FN3K: variants seen among roughly 807,000 people sequenced by gnomAD.
FN3K encodes the protein fructosamine 3 kinase.
Under a neutral mutation model 24.8 loss-of-function variants are expected in FN3K, and 24 were observed. That is an observed-to-expected ratio of 0.97 (90% CI 0.70 to 1.36). The LOEUF (loss-of-function observed/expected upper bound fraction) is 1.36. Among genes scored for constraint, FN3K ranks in the 40% most tolerant of loss-of-function variants. The probability of loss-of-function intolerance (pLI) is 0.00; values close to 1 mark genes in which losing one functional copy is unlikely to be tolerated. For synonymous variants in FN3K, 192 were observed against 175.2 expected (o/e 1.10, Z -0.76); for missense variants, 449 against 416.7 (o/e 1.08, Z -0.67).
At position 82,750,928 on chromosome 17, in the gene FN3K, C is replaced by CCCCGTT; in HGVS notation, c.*175_*176insCGTTCC. On this transcript the variant is annotated 3_prime_UTR_variant, in exon 6 of 6. Transcript: ENST00000300784. ...CCTGTCCCCGTCCCCCCGTCCCCGT[C>CCCCGTT]CCTCCATCCCTGTCCCCCGTCCCCC... is the stretch of plus-strand genomic sequence containing the variant. 1 of 347,994 alleles carries CCCCGTT rather than the reference C, an allele frequency of 2.9e-6. No individual in the cohort carries two copies. The highest frequency in any genetic ancestry group is 2.3e-5 in the South Asian group (1 of 43,306). The allele number at this position is 347,994 out of a possible 1,614,324, so 21.6% of individuals were successfully genotyped here.
In FN3K at chr17:82,748,985, C is replaced by T. The variant is rs751833198; in HGVS notation, c.591+8C>T. The T allele has an allele frequency of 3.2e-5, 52 of 1,613,996 alleles. No individual in the cohort carries two copies. The South Asian group carries it at 4.2e-4, about 13-fold the overall frequency. ...CTCTGGTCCCGGCTACAGGTGGGCA[C>T]GGCAGTGACTTCTCTGGGAAAGAGC... On this transcript the variant is annotated splice_region_variant and intron_variant, in intron 5 of 5. Transcript: ENST00000300784.
Position 82,750,410 on chromosome 17 carries a change from C to T in FN3K, c.592-7C>T, listed in dbSNP as rs922671388. 40 of 1,613,554 alleles carry T rather than the reference C, an allele frequency of 2.5e-5. No individual in the cohort carries two copies. The East Asian group carries it at 6.0e-4, about 24-fold the overall frequency. Reference sequence around the variant, plus strand: ...GCCAGCGATAACTGCAGCCGTTGCTCTCGTAGGTGAAGATCCCGGATCTGT... The same window carrying T: ...GCCAGCGATAACTGCAGCCGTTGCTTTCGTAGGTGAAGATCCCGGATCTGT... On this transcript the variant is annotated splice_polypyrimidine_tract_variant and splice_region_variant and intron_variant, in intron 5 of 5. Coordinates refer to ENST00000300784, the MANE Select transcript of FN3K (RefSeq NM_022158.4).
At chr17:82,748,763 G>A in intron 4 of FN3K, 92 bp from the exon 5 acceptor site, 2 of 1,587,780 alleles carry the variant, frequency 1.3e-6, no homozygotes, top group African/African-American at 2.7e-5. Flanking sequence ...GGCTTACTAG[G>A]TATCTTTGCT....
chr17:82,750,360 G>C (rs1375375307), intron 5 of FN3K, 57 bp from the exon 6 acceptor site: 29 of 1,465,634 alleles, frequency 2.0e-5, no homozygotes, highest in Non-Finnish European at 2.8e-5. Context: ...CCAAGAACGA[G>C]GTGATGAGAC....
rs560970710 is a variant in FN3K at position 82,740,757 on chromosome 17, C to T, written c.294-6C>T. 3.1e-6 allele frequency: 5 copies of T among 1,605,988 alleles called. No homozygotes were observed. The highest frequency in any genetic ancestry group is 1.1e-5 in the South Asian group (1 of 90,776). On this transcript the variant is annotated splice_region_variant and splice_polypyrimidine_tract_variant and intron_variant, in intron 2 of 5. Coordinates refer to ENST00000300784, the MANE Select transcript of FN3K (RefSeq NM_022158.4). ...TTTTAATTAGCTGCATTTCTTCTTT[C>T]CTCAGTCAAGCATCAAAACTTGGAG...
At chr17:82,738,385 A>G (rs1006564669) in intron 1 of FN3K, 104 bp from the exon 2 acceptor site, 64 of 1,491,428 alleles carry the variant, frequency 4.3e-5, no homozygotes, top group Non-Finnish European at 5.6e-5. Context: ...CTATCAGTGA[A>G]TGAAGGTCCT....
In FN3K at chr17:82,735,781, C is replaced by T. The variant is rs765976577; in HGVS notation, c.141+4C>T. ...CAAAGTCAACCGCAGGACGCAGGTG[C>T]TGGCCCGTGCGCAGGCGGGGGCTCT... On this transcript the variant is annotated splice_donor_region_variant and intron_variant, in intron 1 of 5. Coordinates refer to ENST00000300784, the MANE Select transcript of FN3K (RefSeq NM_022158.4). 4.9e-5 allele frequency: 76 copies of T among 1,557,458 alleles called. No homozygotes were observed. The highest frequency in any genetic ancestry group is 2.9e-4 in the Admixed American group (15 of 51,480).
intron 5 of FN3K, 119 bp from the exon 6 acceptor site, chr17:82,750,298 C>T: frequency 1.1e-6 from 1 of 870,136 alleles, no homozygotes; most frequent in Non-Finnish European, 1.9e-6. Flanking sequence ...GCTTGGCAGG[C>T]AGTGCTGGGG....
chr17:82,735,874 GGGGAGGGGTCAGCTTTGGCCCTT>G lies in FN3K; in HGVS notation c.141+104_141+126del, dbSNP rs1441208127. ...AGGCGCATTTCCTGGGGCTGGGCCT[GGGGAGGGGTCAGCTTTGGCCCTT>G]GGGAGGTGGCACCTGCTGGGTGAGC... On this transcript the variant is annotated intron_variant, in intron 1 of 5. Coordinates refer to ENST00000300784, the MANE Select transcript of FN3K (RefSeq NM_022158.4). The G allele has an allele frequency of 2.7e-5, 40 of 1,486,592 alleles. No individual in the cohort carries two copies. In the Admixed American group the frequency reaches 8.0e-4, roughly 30 times the overall value. 92.1% of individuals were successfully genotyped at this position (1,486,592 alleles called of 1,614,324 possible).
chr17:82,751,029 C>A lies in FN3K; in HGVS notation c.*274C>A. On this transcript the variant is annotated 3_prime_UTR_variant, in exon 6 of 6. Transcript: ENST00000300784. Reference sequence around the variant, plus strand: ...TCCCCCATCTCCGTCCCCGTCCCCCCTGCCCCGTCCCCGTCTCCGTTCCCC... The same window carrying A: ...TCCCCCATCTCCGTCCCCGTCCCCCATGCCCCGTCCCCGTCTCCGTTCCCC... 8.3e-6 allele frequency: 1 copy of A among 120,116 alleles called. No individual in the cohort carries two copies. Among genetic ancestry groups the A allele is most frequent in the East Asian group, 2.3e-4 (1 of 4,400 alleles). The allele number at this position is 120,116 out of a possible 1,614,324, so 7.4% of individuals were successfully genotyped here. A position where few individuals can be genotyped will look rare whatever the true frequency, so the allele number is the denominator to read the frequency against.
rs914479487 is a variant in FN3K at position 82,747,379 on chromosome 17, C to T, written c.469-1476C>T. On this transcript the variant is annotated intron_variant, in intron 4 of 5. Coordinates refer to ENST00000300784, the MANE Select transcript of FN3K (RefSeq NM_022158.4). ...TAGTTTTAAAATATTTGAGGATTTC[C>T]CAGAATTTTTCCTATTGATTTTGTT... Among the ~76,000 whole-genome samples the T allele has an allele frequency of 3.3e-5, 5 of 152,034 alleles. No homozygotes were observed. In the East Asian group the frequency reaches 7.7e-4, roughly 23 times the overall value.
chr17:82,749,525 A>C (rs1359230632), intron 5 of FN3K: 1 of 218,932 alleles, frequency 4.6e-6, no homozygotes, highest in African/African-American at 2.3e-5. Flanking sequence ...TTAACCGTGC[A>C]TGGTGGTGCA....
At position 82,749,149 on chromosome 17, in the gene FN3K, GGAGT is replaced by G. The variant is rs758862301; in HGVS notation, c.591+176_591+179del. ...GGTTCCCCCAAAAGGGAGTCCGAAAGGAGTGAGGAGTGAAGACACACTTGGCTCC... is the reference window on the plus strand; with the variant it reads ...GGTTCCCCCAAAAGGGAGTCCGAAAGGAGGAGTGAAGACACACTTGGCTCC... On this transcript the variant is annotated intron_variant, in intron 5 of 5. Transcript: ENST00000300784. The G allele has an allele frequency of 7.9e-4, 774 of 974,900 alleles. 1 individual carries two copies. Among genetic ancestry groups the G allele is most frequent in the Non-Finnish European group, 9.1e-4 (582 of 638,364 alleles). 60.4% of individuals were successfully genotyped at this position (974,900 alleles called of 1,614,324 possible).
At chr17:82,750,041 G>T in intron 5 of FN3K, 1 of 291,088 alleles carries the variant, frequency 3.4e-6, no homozygotes, top group Non-Finnish European at 6.7e-6. Flanking sequence ...CTGGGTGACA[G>T]AGCAAGATTC....
chr17:82,739,858 G>A (rs1388907889), intron 2 of FN3K, among the ~76,000 whole-genome samples: 2 of 151,720 alleles, frequency 1.3e-5, no homozygotes, highest in Non-Finnish European at 2.9e-5. Context: ...GATTACAGGT[G>A]TGAGCCACCA....
chr17:82,740,673 A>G, intron 2 of FN3K, 90 bp from the exon 3 acceptor site: 1 of 849,304 alleles, frequency 1.2e-6, no homozygotes, highest in South Asian at 1.4e-5. Flanking sequence ...ATAGTTTTCA[A>G]TGTATTTAAA....
At chr17:82,748,502 C>CT (rs35166088) in intron 4 of FN3K, among the ~76,000 whole-genome samples, 30 of 147,102 alleles carry the variant, frequency 2.0e-4, no homozygotes, top group Non-Finnish European at 3.0e-4. Context: ...TCCTTTCAAG[C>CT]TTTTTTTTTT....
rs902571874 is a variant in FN3K, at chr17:82,735,668, C to G, written c.32C>G (p.Thr11Ser). Residue 11 changes from threonine (T) to serine (S), a missense_variant, in exon 1 of 6, where the codon ACC (threonine) becomes AGC (serine). Physicochemically the swap from Thr to Ser is moderately conservative, Grantham distance 58. Coordinates refer to ENST00000300784, the MANE Select transcript of FN3K (RefSeq NM_022158.4). ...CAGCTGCTGCGCGCCGAGCTGCGCA[C>G]CGCGACCCTGCGGGCCTTCGGCGGC... is the stretch of plus-strand genomic sequence containing the variant. MEQLLRAELRTATLRAFGGPG... is the reference protein window; with the variant it reads MEQLLRAELRSATLRAFGGPG... 1 of 1,539,380 alleles carries G rather than the reference C, an allele frequency of 6.5e-7. No individual in the cohort carries two copies. The highest frequency in any genetic ancestry group is 8.7e-7 in the Non-Finnish European group (1 of 1,147,650).
chr17:82,750,353 A>G, intron 5 of FN3K, 64 bp from the exon 6 acceptor site: 1 of 1,437,898 alleles, frequency 7.0e-7, no homozygotes, highest in Non-Finnish European at 9.8e-7. Context: ...CTTATTTCCA[A>G]GAACGAGGTG....
Sources: gnomAD v4.1 joint callset for allele counts (sites outside exome capture counted in the v4.1 genomes callset) on GRCh38, gnomAD v4.1.1 for gene constraint, MANE v1.5 for transcripts, NCBI Gene and HGNC (gene_info 2026-07-23, HGNC 2026-07-21) for gene names.